Variants in TXLNA observed in about 807,000 individuals in gnomAD.
TXLNA encodes taxilin alpha.
A neutral mutation model predicts 61.4 loss-of-function variants in TXLNA; 9 were observed. That is an observed-to-expected ratio of 0.15 (90% confidence interval 0.09 to 0.26). TXLNA has a LOEUF of 0.26. Ranked by LOEUF, TXLNA falls within the 10% of genes least tolerant of loss-of-function variation. The pLI, the probability that TXLNA is intolerant of heterozygous loss-of-function variation, is 1.00. For synonymous variants in TXLNA, 257 were observed against 267.7 expected, an observed-to-expected ratio of 0.96 and a Z score of 0.39; for missense variants, 565 against 688.8, an observed-to-expected ratio of 0.82 and a Z score of 2.01.
intron 6 of TXLNA, among the ~76,000 whole-genome samples, chr1:32,191,722 A>C (rs931666171): frequency 5.9e-5 from 9 of 152,110 alleles, no homozygotes; most frequent in African/African-American, 1.4e-4. Context: ...CATCCAAAAA[A>C]ATGGAGTTAT....
At position 32,196,603 on chromosome 1, in the gene TXLNA, G is replaced by A. The variant is rs763141688; in HGVS notation, c.*1408G>A. 1.3e-5 allele frequency: 2 copies of A among 151,952 alleles called. No homozygotes were observed. Among genetic ancestry groups the A allele is most frequent in the African/African-American group, 4.8e-5 (2 of 41,312 alleles). 9.4% of individuals were successfully genotyped at this position (151,952 alleles called of 1,614,324 possible). A position where few individuals can be genotyped will look rare whatever the true frequency, so the allele number is the denominator to read the frequency against. ...AGCCATTCTATATGCTGAATGTTCT[G>A]CTGTTGCAAACTTGCCAGGGTATTA... On this transcript the variant is annotated 3_prime_UTR_variant, in exon 11 of 11. Coordinates refer to ENST00000373610, the MANE Select transcript of TXLNA (RefSeq NM_175852.4).
chr1:32,186,163 T>C (rs1191377945), intron 4 of TXLNA, among the ~76,000 whole-genome samples: 1 of 152,202 alleles, frequency 6.6e-6, no homozygotes, highest in Non-Finnish European at 1.5e-5. Flanking sequence ...TTTGGAGTGA[T>C]CCAGCCAGGG....
intron 10 of TXLNA, 126 bp downstream of exon 10, chr1:32,194,286 G>C: frequency 1.3e-6 from 1 of 767,154 alleles, no homozygotes; most frequent in Non-Finnish European, 2.1e-6. Context: ...TGCACACAAT[G>C]TCCAAGTCCA....
In TXLNA at chr1:32,192,553, A is replaced by G; in HGVS notation, c.1084-104A>G. The G allele has an allele frequency of 6.3e-7, 1 of 1,590,042 alleles. No individual in the cohort carries two copies. The highest frequency in any genetic ancestry group is 8.6e-7 in the Non-Finnish European group (1 of 1,161,872). On this transcript the variant is annotated intron_variant, in intron 7 of 10. Transcript: ENST00000373610. The surrounding 1 kb of genome is among the most constrained non-coding windows in gnomAD (Gnocchi z 4.2). ...ACCAGGCACAGATTCCTTGAGTACC[A>G]GTCTGAGAGCAGGAAGCCTCAGTGG... is the stretch of plus-strand genomic sequence containing the variant.
Position 32,180,471 on chromosome 1 carries a change from A to T in TXLNA, c.126A>T (p.Glu42Asp), listed in dbSNP as rs1642629542. The change falls in exon 2 of 11, where the codon GAA becomes GAT. Residue 42 changes from glutamate (E) to aspartate (D), a missense_variant. Physicochemically the swap from Glu to Asp is conservative, Grantham distance 45. Coordinates refer to ENST00000373610, the MANE Select transcript of TXLNA (RefSeq NM_175852.4). ...ERPSQAAPAV[E>D]AEGPGSSQAP... Reference sequence around the variant, plus strand: ...CCAGCCAGGCGGCTCCTGCAGTAGAAGCAGAAGGTCCCGGCAGCAGCCAGG... The same window carrying T: ...CCAGCCAGGCGGCTCCTGCAGTAGATGCAGAAGGTCCCGGCAGCAGCCAGG... 6.2e-7 allele frequency: 1 copy of T among 1,611,742 alleles called. No homozygotes were observed. Among genetic ancestry groups the T allele is most frequent in the Admixed American group, 1.7e-5 (1 of 59,554 alleles).
In TXLNA at chr1:32,196,444, G is replaced by A. The variant is rs1226923998; in HGVS notation, c.*1249G>A. The A allele has an allele frequency of 6.6e-6, 1 of 152,204 alleles. No individual in the cohort carries two copies. The highest frequency in any genetic ancestry group is 6.5e-5 in the Admixed American group (1 of 15,278). The allele number at this position is 152,204 out of a possible 1,614,324, so 9.4% of individuals were successfully genotyped here. On this transcript the variant is annotated 3_prime_UTR_variant, in exon 11 of 11. Transcript: ENST00000373610. Reference sequence around the variant, plus strand: ...ACTTCTTCCTGTGTGGGAGCCCATAGCTGTTGTCTAACAGGTAAGAAATGA... The same window carrying A: ...ACTTCTTCCTGTGTGGGAGCCCATAACTGTTGTCTAACAGGTAAGAAATGA...
At chr1:32,181,854 C>T (rs556886633) in intron 3 of TXLNA, among the ~76,000 whole-genome samples, 18 of 152,294 alleles carry the variant, frequency 1.2e-4, no homozygotes, top group Non-Finnish European at 2.4e-4. Context: ...AGGGTAGGCT[C>T]CTGTGCCAGC....
intron 4 of TXLNA, among the ~76,000 whole-genome samples, chr1:32,185,643 G>A (rs1056972330): frequency 9.8e-5 from 14 of 143,040 alleles, no homozygotes; most frequent in Admixed American, 7.4e-4. Flanking sequence ...CTCGTGATCC[G>A]CCCGCCTCGG....
intron 2 of TXLNA, among the ~76,000 whole-genome samples, chr1:32,180,999 C>G (rs1642642882): frequency 6.6e-6 from 1 of 152,106 alleles, no homozygotes; most frequent in African/African-American, 2.4e-5. Flanking sequence ...TACAAGTAAA[C>G]AGACTTAAAG....
chr1:32,181,928 T>C (rs192909907), intron 3 of TXLNA, among the ~76,000 whole-genome samples: 14 of 152,210 alleles, frequency 9.2e-5, no homozygotes, highest in Admixed American at 7.9e-4. Flanking sequence ...AGTTTATATT[T>C]CTCTTTACAG....
chr1:32,193,628 C>T (rs1324058931), intron 9 of TXLNA, among the ~76,000 whole-genome samples: 1 of 152,044 alleles, frequency 6.6e-6, no homozygotes, highest in Admixed American at 6.5e-5. Context: ...GCAGCCTTTG[C>T]CCCCCGGGTT....
chr1:32,191,581 G>A (rs1557505490), intron 6 of TXLNA, among the ~76,000 whole-genome samples: 1 of 152,086 alleles, frequency 6.6e-6, no homozygotes, highest in Non-Finnish European at 1.5e-5. Context: ...AAAGGACTTA[G>A]TACTACCTGT....
intron 6 of TXLNA, among the ~76,000 whole-genome samples, chr1:32,191,747 G>T (rs1420222660): frequency 6.6e-6 from 1 of 152,176 alleles, no homozygotes; most frequent in Non-Finnish European, 1.5e-5. Context: ...CCTTATTTCA[G>T]CAAGTCCAGT....
intron 9 of TXLNA, 46 bp downstream of exon 9, chr1:32,193,346 T>C (rs761100375): frequency 2.0e-6 from 3 of 1,468,570 alleles, no homozygotes; most frequent in Non-Finnish European, 2.9e-6. Flanking sequence ...CATAAGCTGC[T>C]TCATTCAAAA....
chr1:32,195,034 G>T lies in TXLNA; in HGVS notation c.1480G>T (p.Gly494Cys), dbSNP rs1383267350. ...RVQDLSAGGQGSLTDSGPERR... is the reference protein window; with the variant it reads ...RVQDLSAGGQCSLTDSGPERR... ...ACAGGACCTGAGTGCTGGTGGCCAG[G>T]GCTCCCTCACTGACAGTGGCCCTGA... The change falls in exon 11 of 11, where the codon GGC becomes TGC. Residue 494 changes from glycine (G) to cysteine (C), a missense_variant. Physicochemically the swap from Gly to Cys is radical, Grantham distance 159. Coordinates refer to ENST00000373610, the MANE Select transcript of TXLNA (RefSeq NM_175852.4). 6.2e-6 allele frequency: 10 copies of T among 1,614,020 alleles called. No homozygotes were observed. The African/African-American group carries it at 1.3e-4, about 22-fold the overall frequency.
chr1:32,182,938 G>A (rs1406785156), intron 3 of TXLNA, among the ~76,000 whole-genome samples: 4 of 148,510 alleles, frequency 2.7e-5, no homozygotes, highest in African/African-American at 7.4e-5. Flanking sequence ...GTGGTGGCAC[G>A]TGCCTATAAT....
At chr1:32,183,459 G>A (rs1473836311) in intron 3 of TXLNA, among the ~76,000 whole-genome samples, 2 of 83,442 alleles carry the variant, frequency 2.4e-5, no homozygotes, top group Non-Finnish European at 4.4e-5. Flanking sequence ...ATGGAGCCTC[G>A]CTCTGTCCCT....
intron 9 of TXLNA, among the ~76,000 whole-genome samples, 167 bp from the exon 10 acceptor site, chr1:32,193,898 C>A (rs1215584402): frequency 1.3e-5 from 2 of 152,156 alleles, no homozygotes. Flanking sequence ...CCTCTGACTT[C>A]CTGGTGGTGA....
rs776880563 is a variant in TXLNA, at chr1:32,187,965, C to T, written c.609C>T (p.His203=). Residue 203 remains histidine, a synonymous_variant, in exon 5 of 11, where the codon CAC becomes CAT. Transcript: ENST00000373610. ...CKKYAELLEE[H]RNSQKQMKLL... ...ATCCCTGTCCCCAGCTGGAGGAGCACCGGAATTCACAGAAGCAGATGAAGC... is the reference window on the plus strand; with the variant it reads ...ATCCCTGTCCCCAGCTGGAGGAGCATCGGAATTCACAGAAGCAGATGAAGC... 6.2e-6 allele frequency: 10 copies of T among 1,613,758 alleles called. No homozygotes were observed. The East Asian group carries it at 1.3e-4, about 22-fold the overall frequency.
Sources: allele counts gnomAD v4.1 joint callset (sites outside exome capture counted in the v4.1 genomes callset), GRCh38; gene constraint gnomAD v4.1.1; non-coding constraint Gnocchi (gnomAD v3.1); transcripts MANE v1.5; gene names NCBI Gene and HGNC (gene_info 2026-07-23, HGNC 2026-07-21).